The following TARBP1 variants were observed in gnomAD, a reference collection of about 807,000 sequenced individuals.
The protein encoded by TARBP1 is tRNA guanosine 2 -O-methyltransferase TARBP1.
In TARBP1, 144 loss-of-function variants were observed where a neutral mutation model predicts 178.6. The observed-to-expected ratio is 0.81, with a 90% confidence interval of 0.70 to 0.93. TARBP1 has a LOEUF of 0.93. Among genes scored for constraint, TARBP1 ranks in the 40% least tolerant of loss-of-function variants. The probability of loss-of-function intolerance (pLI) is 0.00; values close to 1 mark genes in which losing one functional copy is unlikely to be tolerated. For synonymous variants in TARBP1, 787 were observed against 781.0 expected, an observed-to-expected ratio of 1.01 and a Z score of -0.13; for missense variants, 2,067 against 2,011.7, an observed-to-expected ratio of 1.03 and a Z score of -0.53.
Position 234,427,668 on chromosome 1 carries a change from A to G in TARBP1, c.3159T>C (p.Asn1053=), listed in dbSNP as rs200624230. 3 of 1,585,118 alleles carry G rather than the reference A, an allele frequency of 1.9e-6. No individual in the cohort carries two copies. The highest frequency in any genetic ancestry group is 1.7e-6 in the Non-Finnish European group (2 of 1,171,174). The change falls in exon 18 of 30, where the codon AAT becomes AAC. Residue 1053 remains asparagine, a synonymous_variant. Transcript: ENST00000040877. ...CCQSWIVSAS[N]VSQGSLSSAK... ...CACTTGATAAAGATCCTTGGGACACATTTGAAGCAGACACTATCCAAGACT... is the reference window on the plus strand; with the variant it reads ...CACTTGATAAAGATCCTTGGGACACGTTTGAAGCAGACACTATCCAAGACT...
At position 234,393,350 on chromosome 1, in the gene TARBP1, C is replaced by A. The variant is rs1340202911; in HGVS notation, c.4560+12G>T. 2 of 1,501,034 alleles carry A rather than the reference C, an allele frequency of 1.3e-6. No individual in the cohort carries two copies. The highest frequency in any genetic ancestry group is 1.8e-6 in the Non-Finnish European group (2 of 1,117,970). 93.0% of individuals were successfully genotyped at this position (1,501,034 alleles called of 1,614,324 possible). On this transcript the variant is annotated intron_variant, in intron 28 of 29. Coordinates refer to ENST00000040877, the MANE Select transcript of TARBP1 (RefSeq NM_005646.4). ...TTTTAAGAACTTTAATAATAAATTA[C>A]TTTCCACCCACCTCCACTAGAGGAA...
chr1:234,428,825 C>T (rs1036087495), intron 17 of TARBP1, among the ~76,000 whole-genome samples: 1 of 152,298 alleles, frequency 6.6e-6, no homozygotes, highest in Admixed American at 6.5e-5. Flanking sequence ...GGATCACAGG[C>T]ATGAGCCACC....
chr1:234,464,694 A>G (rs1326563639), intron 5 of TARBP1, among the ~76,000 whole-genome samples: 3 of 152,224 alleles, frequency 2.0e-5, no homozygotes, highest in African/African-American at 7.2e-5. Context: ...AGACTAATTA[A>G]AAATGTTTCA....
intron 25 of TARBP1, chr1:234,400,711 G>C (rs535178857): frequency 6.6e-6 from 1 of 152,296 alleles, no homozygotes; most frequent in Admixed American, 6.5e-5. Context: ...AATTATATAA[G>C]CACATTTTGT....
intron 21 of TARBP1, among the ~76,000 whole-genome samples, chr1:234,420,448 T>C (rs929434108): frequency 3.9e-5 from 6 of 152,166 alleles, no homozygotes; most frequent in African/African-American, 1.4e-4. Flanking sequence ...AAATGTCACA[T>C]TAAAACACCG....
intron 6 of TARBP1, among the ~76,000 whole-genome samples, chr1:234,462,180 T>C (rs968518912): frequency 3.9e-5 from 6 of 152,226 alleles, no homozygotes; most frequent in African/African-American, 1.4e-4. Context: ...ATGGCCAAGT[T>C]TCTATTTCAC....
chr1:234,396,163 C>T (rs573968190), intron 26 of TARBP1, among the ~76,000 whole-genome samples: 2 of 152,322 alleles, frequency 1.3e-5, no homozygotes, highest in East Asian at 3.9e-4. Flanking sequence ...CAAAAACAGG[C>T]AGAACAGACA....
chr1:234,401,863 T>TCACA (rs1303618530), intron 24 of TARBP1, among the ~76,000 whole-genome samples: 3 of 152,138 alleles, frequency 2.0e-5, no homozygotes, highest in African/African-American at 7.2e-5. Flanking sequence ...CAGCCATGCC[T>TCACA]CACACATCAC....
intron 12 of TARBP1, among the ~76,000 whole-genome samples, chr1:234,442,785 A>G (rs1455473946): frequency 2.0e-5 from 3 of 152,190 alleles, no homozygotes; most frequent in Non-Finnish European, 2.9e-5. Context: ...TAGGCCTTGG[A>G]GAAGAGAGAA....
At chr1:234,467,274 C>T (rs79468672) in intron 4 of TARBP1, among the ~76,000 whole-genome samples, 19 of 152,212 alleles carry the variant, frequency 1.2e-4, no homozygotes, top group Admixed American at 3.3e-4. Context: ...TTCTGAATAT[C>T]GATAATATAC....
chr1:234,449,904 T>C (rs1300674494), intron 10 of TARBP1, among the ~76,000 whole-genome samples: 1 of 152,232 alleles, frequency 6.6e-6, no homozygotes, highest in Non-Finnish European at 1.5e-5. Flanking sequence ...TCTTATATAT[T>C]TCCTCAAAGA....
At chr1:234,412,452 G>C (rs2103070603) in intron 22 of TARBP1, among the ~76,000 whole-genome samples, 1 of 151,802 alleles carries the variant, frequency 6.6e-6, no homozygotes, top group South Asian at 2.1e-4. Context: ...TATGGGCCAG[G>C]TGCAGTGGCT....
chr1:234,412,579 G>C (rs553454684), intron 22 of TARBP1, among the ~76,000 whole-genome samples: 4 of 152,292 alleles, frequency 2.6e-5, no homozygotes, highest in Non-Finnish European at 5.9e-5. Flanking sequence ...TGAGGCAGGA[G>C]GATCATTTGA....
chr1:234,472,939 A>G (rs754928112), intron 1 of TARBP1, 128 bp from the exon 2 acceptor site: 1 of 743,558 alleles, frequency 1.3e-6, no homozygotes, highest in South Asian at 1.6e-5. Flanking sequence ...GTGCCCCTGT[A>G]TCAGAGCCTG....
chr1:234,444,629 G>A (rs1008406535), intron 12 of TARBP1, among the ~76,000 whole-genome samples: 3 of 151,948 alleles, frequency 2.0e-5, no homozygotes, highest in African/African-American at 4.8e-5. Context: ...CCAGACAGAT[G>A]CTTATACCCT....
chr1:234,400,063 AC>A (rs1003984622), intron 25 of TARBP1, among the ~76,000 whole-genome samples: 1 of 111,338 alleles, frequency 9.0e-6, no homozygotes, highest in South Asian at 2.7e-4. Flanking sequence ...CAAAAAAAAA[AC>A]AAATACATGA....
At chr1:234,424,992 C>A (rs1218559085) in intron 20 of TARBP1, among the ~76,000 whole-genome samples, 1 of 151,450 alleles carries the variant, frequency 6.6e-6, no homozygotes, top group Non-Finnish European at 1.5e-5. Context: ...ATCCAGGAGG[C>A]AGAGGTTGCA....
At chr1:234,473,655 A>G (rs1669287792) in intron 1 of TARBP1, among the ~76,000 whole-genome samples, 1 of 152,248 alleles carries the variant, frequency 6.6e-6, no homozygotes, top group African/African-American at 2.4e-5. Flanking sequence ...GAGATTCCTT[A>G]ATGAAATGGC....
intron 10 of TARBP1, among the ~76,000 whole-genome samples, chr1:234,448,967 C>G (rs1302411321): frequency 6.6e-6 from 1 of 151,962 alleles, no homozygotes; most frequent in East Asian, 1.9e-4. Context: ...ATGCCCTCAT[C>G]CAGAGAGTAA....
Sources: allele counts gnomAD v4.1 joint callset (sites outside exome capture counted in the v4.1 genomes callset), GRCh38; gene constraint gnomAD v4.1.1; transcripts MANE v1.5; gene names NCBI Gene and HGNC (gene_info 2026-07-23, HGNC 2026-07-21).